The following TNNT3 variants were observed in gnomAD, a reference collection of about 807,000 sequenced individuals.
TNNT3 encodes troponin T, fast skeletal muscle.
A neutral mutation model predicts 54.2 loss-of-function variants in TNNT3; 36 were observed. That is an observed-to-expected ratio of 0.66 (90% CI 0.51 to 0.88). TNNT3 has a LOEUF of 0.88. Among genes scored for constraint, TNNT3 ranks in the 40% least tolerant of loss-of-function variants. The pLI, the probability that TNNT3 is intolerant of heterozygous loss-of-function variation, is 0.00. For missense variants in TNNT3, 291 were observed against 331.6 expected, an observed-to-expected ratio of 0.88 and a Z score of 0.95; for synonymous variants, 120 against 109.7, an observed-to-expected ratio of 1.09 and a Z score of -0.59.
intron 7 of TNNT3, 35 bp downstream of exon 7, chr11:1,929,178 C>G (rs1486147316): frequency 6.2e-7 from 1 of 1,611,204 alleles, no homozygotes; most frequent in Non-Finnish European, 8.5e-7. Flanking sequence ...AGGTGCAGGA[C>G]CCTGGCTCTA....
At chr11:1,929,195 G>A (rs771506616) in intron 7 of TNNT3, 52 bp downstream of exon 7, 236 of 1,603,134 alleles carry the variant, frequency 1.5e-4, no homozygotes, top group South Asian at 4.8e-4. Flanking sequence ...TCTAGCCGAC[G>A]CGAGGGAAAG....
At chr11:1,933,634 G>C (rs1854069721) in intron 9 of TNNT3, 87 bp from the exon 10 acceptor site, 2 of 1,033,462 alleles carry the variant, frequency 1.9e-6, no homozygotes, top group South Asian at 2.6e-5. Context: ...CTGGGGCAAA[G>C]GAAGGGACCT....
chr11:1,922,947 C>A (rs200239574), intron 2 of TNNT3, 56 bp downstream of exon 2: 1 of 1,613,654 alleles, frequency 6.2e-7, no homozygotes, highest in Admixed American at 1.7e-5. Flanking sequence ...GGCCCCTTGG[C>A]TTCTGTGGGG....
In TNNT3 at chr11:1,926,714, G is replaced by A. The variant is rs774221281; in HGVS notation, c.82+5G>A. The A allele has an allele frequency of 5.0e-5, 81 of 1,613,188 alleles. 1 individual carries two copies. The highest frequency in any genetic ancestry group is 1.9e-4 in the South Asian group (17 of 91,080). On this transcript the variant is annotated splice_donor_5th_base_variant and intron_variant, in intron 6 of 15. Coordinates refer to ENST00000278317, the MANE Select transcript of TNNT3 (RefSeq NM_006757.4). ...CTGCAGAGGAAGTTCAAGAAGGTAC[G>A]CCGGCGCTCCCCCGCCTCCAGGCCA...
intron 15 of TNNT3, 100 bp from the exon 16 acceptor site, chr11:1,938,338 G>A: frequency 7.5e-7 from 1 of 1,332,430 alleles, no homozygotes; most frequent in Non-Finnish European, 1.1e-6. Flanking sequence ...TGCCCTGAGA[G>A]CAGCCTGGGG....
At position 1,920,166 on chromosome 11, in the gene TNNT3, G is replaced by T. The variant is rs369567680; in HGVS notation, c.-19+404G>T. Among the ~76,000 whole-genome samples the T allele has an allele frequency of 4.6e-5, 7 of 152,166 alleles. No individual in the cohort carries two copies. In the East Asian group the frequency reaches 5.8e-4, roughly 13 times the overall value. ...GGGCTTAGGTTGCCAGCTTGTGGTC[G>T]CCATGCAGACATTTGCCCAGGCCCG... On this transcript the variant is annotated intron_variant, in intron 1 of 15. Coordinates refer to ENST00000278317, the MANE Select transcript of TNNT3 (RefSeq NM_006757.4).
intron 8 of TNNT3, among the ~76,000 whole-genome samples, chr11:1,930,413 G>A (rs929243804): frequency 1.3e-5 from 2 of 152,190 alleles, no homozygotes; most frequent in Non-Finnish European, 2.9e-5. Flanking sequence ...CACCTTGACC[G>A]TGTCCAGAAG....
chr11:1,929,274 G>C, intron 7 of TNNT3, 131 bp downstream of exon 7: 1 of 1,219,460 alleles, frequency 8.2e-7, no homozygotes, highest in Non-Finnish European at 1.2e-6. Flanking sequence ...CCCCTGGCAC[G>C]GGGGCCTCGG....
chr11:1,933,850 G>A lies in TNNT3; in HGVS notation c.288+13G>A, dbSNP rs1342771399. 1.2e-6 allele frequency: 2 copies of A among 1,612,216 alleles called. No homozygotes were observed. The highest frequency in any genetic ancestry group is 1.7e-6 in the Non-Finnish European group (2 of 1,179,442). ...CAAAGAGAGAATCGTGAGTGGGGCA[G>A]TTCAGGTTGCAGCAGGGGCTGGTGG... On this transcript the variant is annotated intron_variant, in intron 10 of 15. Transcript: ENST00000278317.
At position 1,926,713 on chromosome 11, in the gene TNNT3, C is replaced by T. The variant is rs368931614; in HGVS notation, c.82+4C>T. 1.0e-4 allele frequency: 161 copies of T among 1,613,132 alleles called. No homozygotes were observed. Among genetic ancestry groups the T allele is most frequent in the East Asian group, 2.2e-4 (10 of 44,894 alleles). ...TCTGCAGAGGAAGTTCAAGAAGGTA[C>T]GCCGGCGCTCCCCCGCCTCCAGGCC... On this transcript the variant is annotated splice_donor_region_variant and intron_variant, in intron 6 of 15. Coordinates refer to ENST00000278317, the MANE Select transcript of TNNT3 (RefSeq NM_006757.4).
Position 1,936,330 on chromosome 11 carries a change from A to G in TNNT3, c.682-633A>G. On this transcript the variant is annotated intron_variant, in intron 14 of 15. Coordinates refer to ENST00000278317, the MANE Select transcript of TNNT3 (RefSeq NM_006757.4). Reference sequence around the variant, plus strand: ...GTGAGGTGAACCTCTCGCATGGCAAAAACCTGGATCGCTCAGGATGCTGGC... The same window carrying G: ...GTGAGGTGAACCTCTCGCATGGCAAGAACCTGGATCGCTCAGGATGCTGGC... The G allele has an allele frequency of 2.6e-6, 4 of 1,526,356 alleles. No individual in the cohort carries two copies. The South Asian group carries it at 4.5e-5, about 17-fold the overall frequency. The allele number at this position is 1,526,356 out of a possible 1,614,324, so 94.6% of individuals were successfully genotyped here.
rs1361471769 is a variant in TNNT3 at position 1,934,667 on chromosome 11, G to A, written c.590+12G>A. ...GAAGACAAACTGAGGTGAGGGGTGG[G>A]TGTTGTGGGGCTCAGCCCCACGGGG... On this transcript the variant is annotated intron_variant, in intron 13 of 15. Transcript: ENST00000278317. 25 of 1,608,404 alleles carry A rather than the reference G, an allele frequency of 1.6e-5. No individual in the cohort carries two copies. The Admixed American group carries it at 3.7e-4, about 24-fold the overall frequency.
At chr11:1,927,435 C>G (rs376169731) in intron 6 of TNNT3, among the ~76,000 whole-genome samples, 2 of 152,166 alleles carry the variant, frequency 1.3e-5, no homozygotes, top group East Asian at 1.9e-4. Flanking sequence ...CAGCTCCCCC[C>G]GTTCATGGGC....
Position 1,923,151 on chromosome 11 carries a change from C to T in TNNT3, c.31+90C>T, listed in dbSNP as rs371393068. ...GGGCTGGACTGTGCATACCCTGTGT[C>T]CCCTTGACAGCCCTACATCAGCTGC... On this transcript the variant is annotated intron_variant, in intron 3 of 15. Coordinates refer to ENST00000278317, the MANE Select transcript of TNNT3 (RefSeq NM_006757.4). The T allele has an allele frequency of 1.9e-4, 302 of 1,551,462 alleles. No homozygotes were observed. The African/African-American group carries it at 3.8e-3, about 19-fold the overall frequency.
chr11:1,936,937 C>A (rs1388515220), intron 14 of TNNT3, 26 bp from the exon 15 acceptor site: 1 of 1,598,466 alleles, frequency 6.3e-7, no homozygotes, highest in South Asian at 1.1e-5. Context: ...CGGGTCGTCG[C>A]AGTGAGTCAC....
In TNNT3 at chr11:1,925,101, G is replaced by A; in HGVS notation, c.52G>A (p.Glu18Lys). 6.2e-7 allele frequency: 1 copy of A among 1,612,802 alleles called. No individual in the cohort carries two copies. ...QVEEQYEEEEEAQEEEEVQED... is the reference protein window; with the variant it reads ...QVEEQYEEEEKAQEEEEVQED... ...CTCCTGGCTTCTCCGGCTCTCAGAG[G>A]AAGCCCAGGAGGAAGGTAAGTGGGG... The change falls in exon 5 of 16, where the codon GAA (glutamate) becomes AAA (lysine). Residue 18 changes from glutamate to lysine, a missense_variant and splice_region_variant. Glu to Lys is a moderately conservative substitution (Grantham distance 56). Transcript: ENST00000278317.
intron 9 of TNNT3, among the ~76,000 whole-genome samples, chr11:1,932,843 C>CCATCCAT (rs1853802778): frequency 1.4e-5 from 2 of 142,392 alleles, no homozygotes; most frequent in Non-Finnish European, 3.1e-5. Context: ...CACCCACCTA[C>CCATCCAT]CCATCCATCC....
chr11:1,926,302 C>T (rs1451612710), intron 5 of TNNT3, among the ~76,000 whole-genome samples: 10 of 152,204 alleles, frequency 6.6e-5, no homozygotes, highest in African/African-American at 2.2e-4. Flanking sequence ...GGGACTGGGG[C>T]GGTGGCCGCG....
intron 1 of TNNT3, among the ~76,000 whole-genome samples, chr11:1,920,350 G>A (rs1417035022): frequency 6.6e-6 from 1 of 152,190 alleles, no homozygotes; most frequent in Non-Finnish European, 1.5e-5. Flanking sequence ...GCCAGCGTCT[G>A]GAGGTGCAGG....
Sources: gnomAD v4.1 joint callset for allele counts (sites outside exome capture counted in the v4.1 genomes callset) on GRCh38, gnomAD v4.1.1 for gene constraint, MANE v1.5 for transcripts, NCBI Gene and HGNC (gene_info 2026-07-23, HGNC 2026-07-21) for gene names.